Variants in TAFA1 observed in about 807,000 individuals in gnomAD.
TAFA1 encodes the protein TAFA chemokine like family member 1.
Under a neutral mutation model 18.5 loss-of-function variants are expected in TAFA1, and 4 were observed. The observed-to-expected ratio is 0.22, with a 90% CI of 0.11 to 0.49. TAFA1 has a LOEUF of 0.49. TAFA1 is among the 20% of genes least tolerant of loss of function. The pLI, the probability that TAFA1 is intolerant of heterozygous loss-of-function variation, is 0.98. For missense variants in TAFA1, 147 were observed against 169.0 expected, an observed-to-expected ratio of 0.87 and a Z score of 0.72; for synonymous variants, 56 against 55.2, an observed-to-expected ratio of 1.01 and a Z score of -0.06.
At chr3:68,201,853 T>G (rs1465125806) in intron 2 of TAFA1, among the ~76,000 whole-genome samples, 2 of 151,672 alleles carry the variant, frequency 1.3e-5, no homozygotes. Context: ...GTGTAAAAGT[T>G]TTTTGTGCTG....
chr3:68,039,824 G>A (rs1705127149), intron 2 of TAFA1, among the ~76,000 whole-genome samples: 1 of 152,130 alleles, frequency 6.6e-6, no homozygotes, highest in South Asian at 2.1e-4. Flanking sequence ...TTTTGCTGGG[G>A]CTTTCTGGGG....
chr3:68,367,428 G>A (rs1327925505), intron 2 of TAFA1, among the ~76,000 whole-genome samples: 1 of 152,140 alleles, frequency 6.6e-6, no homozygotes, highest in Admixed American at 6.5e-5. Flanking sequence ...TAGGTCAAAC[G>A]CACTTTCAAG....
intron 2 of TAFA1, among the ~76,000 whole-genome samples, chr3:68,222,910 C>A (rs1293044312): frequency 6.6e-6 from 1 of 151,938 alleles, no homozygotes; most frequent in Admixed American, 6.6e-5. Context: ...TGACCTCAAG[C>A]GATCCACCCA....
At chr3:68,277,986 A>C (rs1405704958) in intron 2 of TAFA1, among the ~76,000 whole-genome samples, 1 of 152,172 alleles carries the variant, frequency 6.6e-6, no homozygotes, top group Non-Finnish European at 1.5e-5. Context: ...AATTATTGTT[A>C]TTACAAATAA....
chr3:68,469,288 T>G lies in TAFA1; in HGVS notation c.259+51868T>G, dbSNP rs182402852. Reference sequence around the variant, plus strand: ...ACAAGGAGCACTCAGGAGACATCATTGCTGTCCAGTGGGAAGTAGGCATGT... The same window carrying G: ...ACAAGGAGCACTCAGGAGACATCATGGCTGTCCAGTGGGAAGTAGGCATGT... On this transcript the variant is annotated intron_variant, in intron 3 of 4. Coordinates refer to ENST00000478136, the MANE Select transcript of TAFA1 (RefSeq NM_213609.4). Among the ~76,000 whole-genome samples the G allele has an allele frequency of 9.9e-5, 15 of 152,272 alleles. No individual in the cohort carries two copies. In the East Asian group the frequency reaches 2.7e-3, roughly 27 times the overall value.
chr3:68,302,661 A>G (rs2068326474), intron 2 of TAFA1, among the ~76,000 whole-genome samples: 1 of 151,994 alleles, frequency 6.6e-6, no homozygotes, highest in Non-Finnish European at 1.5e-5. Flanking sequence ...CTGGTATCGA[A>G]GGTGCTAACT....
intron 2 of TAFA1, among the ~76,000 whole-genome samples, chr3:68,058,726 T>G (rs2064565067): frequency 6.6e-6 from 1 of 152,224 alleles, no homozygotes; most frequent in African/African-American, 2.4e-5. Context: ...TGCTGCTTGT[T>G]GAACAGAGTT....
At chr3:68,083,697 G>T (rs1403804704) in intron 2 of TAFA1, among the ~76,000 whole-genome samples, 1 of 152,134 alleles carries the variant, frequency 6.6e-6, no homozygotes, top group Non-Finnish European at 1.5e-5. Flanking sequence ...GTATGCTCTG[G>T]CAATTCCCAG....
rs750923418 is a variant in TAFA1 at position 68,120,173 on chromosome 3, CTT to C, written c.118+113431_118+113432del. On this transcript the variant is annotated intron_variant, in intron 2 of 4. Transcript: ENST00000478136. ...TCTTTCTTTCTTTCTCTTTCTTTCT[CTT>C]TCTTTCTTTCTTTCTTTCTTTCTTT... 1.9e-3 allele frequency among the ~76,000 whole-genome samples: 31 copies of C among 16,458 alleles called. No homozygotes were observed. The Admixed American group carries it at 0.02, about 10-fold the overall frequency. The allele number at this position is 16,458 out of a possible 152,430, so 10.8% of individuals were successfully genotyped here. A position where few individuals can be genotyped will look rare whatever the true frequency, so the allele number is the denominator to read the frequency against.
At chr3:68,146,844 A>T (rs959703204) in intron 2 of TAFA1, among the ~76,000 whole-genome samples, 2 of 152,196 alleles carry the variant, frequency 1.3e-5, no homozygotes, top group African/African-American at 4.8e-5. Flanking sequence ...TGTTTATTAG[A>T]TGCTAAAGGT....
At chr3:68,113,377 C>T (rs899527453) in intron 2 of TAFA1, among the ~76,000 whole-genome samples, 25 of 152,130 alleles carry the variant, frequency 1.6e-4, no homozygotes, top group African/African-American at 7.2e-5. Flanking sequence ...AAAAAGCAAA[C>T]TGCACACCTG....
At chr3:68,329,084 T>A (rs1188353859) in intron 2 of TAFA1, among the ~76,000 whole-genome samples, 3 of 149,778 alleles carry the variant, frequency 2.0e-5, no homozygotes, top group Non-Finnish European at 4.4e-5. Context: ...TGTGGCCACT[T>A]TTTTGTTTTT....
chr3:68,476,365 C>G (rs1384409122), intron 3 of TAFA1, among the ~76,000 whole-genome samples: 3 of 152,192 alleles, frequency 2.0e-5, no homozygotes, highest in Non-Finnish European at 4.4e-5. Context: ...TGCTCGGGAC[C>G]TGTCCTGTTT....
intron 2 of TAFA1, among the ~76,000 whole-genome samples, chr3:68,355,024 C>G (rs1350764453): frequency 1.3e-5 from 2 of 151,980 alleles, no homozygotes; most frequent in Admixed American, 1.3e-4. Context: ...TATGGTCGTT[C>G]AGATCCCTGT....
At chr3:68,071,992 A>G (rs999437216) in intron 2 of TAFA1, among the ~76,000 whole-genome samples, 2 of 152,326 alleles carry the variant, frequency 1.3e-5, no homozygotes, top group Admixed American at 1.3e-4. Context: ...GTAAGGACAA[A>G]TATCTAAACT....
chr3:68,451,292 C>T (rs900057977), intron 3 of TAFA1, among the ~76,000 whole-genome samples: 27 of 152,210 alleles, frequency 1.8e-4, no homozygotes, highest in Non-Finnish European at 2.8e-4. Flanking sequence ...TTTGTAAGTC[C>T]TCAATAAACG....
chr3:68,463,609 C>T (rs1044351729), intron 3 of TAFA1, among the ~76,000 whole-genome samples: 4 of 152,218 alleles, frequency 2.6e-5, no homozygotes, highest in Middle Eastern at 3.4e-3. Context: ...AATCTTGATC[C>T]ATGTCCTGTG....
At chr3:68,141,541 G>A (rs1185904988) in intron 2 of TAFA1, among the ~76,000 whole-genome samples, 2 of 152,282 alleles carry the variant, frequency 1.3e-5, no homozygotes, top group African/African-American at 4.8e-5. Flanking sequence ...GTTCTGGTGG[G>A]ATGCCCACTG....
At chr3:68,402,459 G>GTATGTAACTC (rs1321182775) in intron 2 of TAFA1, among the ~76,000 whole-genome samples, 1 of 152,174 alleles carries the variant, frequency 6.6e-6, no homozygotes, top group Non-Finnish European at 1.5e-5. Flanking sequence ...TGTGGATGCT[G>GTATGTAACTC]TATGTAACTC....
Sources: gnomAD v4.1 joint callset for allele counts (sites outside exome capture counted in the v4.1 genomes callset) on GRCh38, gnomAD v4.1.1 for gene constraint, MANE v1.5 for transcripts, NCBI Gene and HGNC (gene_info 2026-07-23, HGNC 2026-07-21) for gene names.